TOPBP1: variants seen among roughly 807,000 people sequenced by gnomAD.
The protein encoded by TOPBP1 is DNA topoisomerase II binding protein 1.
Under a neutral mutation model 167.7 loss-of-function variants are expected in TOPBP1, and 28 were observed. The ratio of observed to expected loss-of-function variants is 0.17; its 90% CI spans 0.12 to 0.23. TOPBP1 has a LOEUF of 0.23. TOPBP1 is among the 10% of genes least tolerant of loss of function. The pLI, the probability that TOPBP1 is intolerant of heterozygous loss-of-function variation, is 1.00. For synonymous variants in TOPBP1, 598 were observed against 611.4 expected, an observed-to-expected ratio of 0.98 and a Z score of 0.32; for missense variants, 1,554 against 1,809.6, an observed-to-expected ratio of 0.86 and a Z score of 2.56.
At chr3:133,607,257 C>G (rs2107768693) in intron 27 of TOPBP1, among the ~76,000 whole-genome samples, 1 of 152,110 alleles carries the variant, frequency 6.6e-6, no homozygotes, top group East Asian at 1.9e-4. Context: ...TGTACCATTT[C>G]TAACTTTTGG....
intron 14 of TOPBP1, among the ~76,000 whole-genome samples, chr3:133,629,921 G>T (rs761684076): frequency 6.6e-6 from 1 of 151,916 alleles, no homozygotes. Flanking sequence ...CGAGTAGCTG[G>T]GACTACAGGC....
intron 27 of TOPBP1, among the ~76,000 whole-genome samples, chr3:133,607,369 CA>C (rs1934527439): frequency 6.6e-6 from 1 of 151,684 alleles, no homozygotes; most frequent in Non-Finnish European, 1.5e-5. Flanking sequence ...AGATGACAAA[CA>C]GCTACTAAAA....
chr3:133,602,502 TTA>T (rs1934338256), intron 27 of TOPBP1, among the ~76,000 whole-genome samples: 1 of 152,244 alleles, frequency 6.6e-6, no homozygotes, highest in Non-Finnish European at 1.5e-5. Flanking sequence ...ATTTTTTATT[TTA>T]GTTTCCTCAA....
intron 23 of TOPBP1, among the ~76,000 whole-genome samples, chr3:133,614,791 TAAG>T (rs1444610357): frequency 4.0e-4 from 55 of 136,444 alleles, no homozygotes; most frequent in Middle Eastern, 4.2e-3. Context: ...GTAAAGTTTC[TAAG>T]AAGAAACAGT....
At chr3:133,617,790 GA>G (rs1005948471) in intron 21 of TOPBP1, among the ~76,000 whole-genome samples, 5 of 151,390 alleles carry the variant, frequency 3.3e-5, no homozygotes, top group Non-Finnish European at 7.4e-5. Flanking sequence ...GCTCAAGGAA[GA>G]AAAAAAATAG....
At chr3:133,659,802 G>A (rs1936619480) in intron 2 of TOPBP1, among the ~76,000 whole-genome samples, 1 of 151,930 alleles carries the variant, frequency 6.6e-6, no homozygotes, top group Non-Finnish European at 1.5e-5. Context: ...TCCCCTGGAA[G>A]TTTCTATGTA....
chr3:133,649,711 C>G, intron 9 of TOPBP1, 69 bp downstream of exon 9: 1 of 1,588,038 alleles, frequency 6.3e-7, no homozygotes, highest in Non-Finnish European at 8.5e-7. Flanking sequence ...GTTTCCAGAA[C>G]TGCGTGGATA....
At chr3:133,624,009 AT>A in intron 17 of TOPBP1, 42 bp downstream of exon 17, 1 of 1,583,432 alleles carries the variant, frequency 6.3e-7, no homozygotes. Context: ...GTTTGTATAC[AT>A]TTTCAATTAA....
chr3:133,607,810 T>C (rs1400751955), intron 27 of TOPBP1, among the ~76,000 whole-genome samples: 10 of 152,236 alleles, frequency 6.6e-5, no homozygotes, highest in Non-Finnish European at 4.4e-5. Flanking sequence ...AAATCGTGGA[T>C]ACTAATCAGT....
At position 133,643,380 on chromosome 3, in the gene TOPBP1, A is replaced by C; in HGVS notation, c.1849-8T>G. 6.4e-7 allele frequency: 1 copy of C among 1,559,792 alleles called. No individual in the cohort carries two copies. ...ATAGTCTATGCAAGTAACCTTTTAA[A>C]AACAAAAGAAATAGTAAAGCCAACC... On this transcript the variant is annotated splice_polypyrimidine_tract_variant and splice_region_variant and intron_variant, in intron 11 of 27. Transcript: ENST00000260810.
intron 23 of TOPBP1, among the ~76,000 whole-genome samples, chr3:133,614,781 G>A (rs1934804725): frequency 6.9e-6 from 1 of 145,652 alleles, no homozygotes; most frequent in Non-Finnish European, 1.5e-5. Flanking sequence ...TTTTGTATGA[G>A]TAAAGTTTCT....
At chr3:133,629,379 T>C (rs891515957) in intron 14 of TOPBP1, among the ~76,000 whole-genome samples, 13 of 152,188 alleles carry the variant, frequency 8.5e-5, no homozygotes, top group African/African-American at 3.1e-4. Context: ...TGAATAACCT[T>C]GTACACAAAC....
At chr3:133,603,410 A>G (rs1367940426) in intron 27 of TOPBP1, among the ~76,000 whole-genome samples, 1 of 152,204 alleles carries the variant, frequency 6.6e-6, no homozygotes, top group Admixed American at 6.5e-5. Context: ...CAATAATTAC[A>G]TGATGGACTA....
In TOPBP1 at chr3:133,644,004, A is replaced by C. The variant is rs765481969; in HGVS notation, c.1848+16T>G. On this transcript the variant is annotated intron_variant, in intron 11 of 27. Transcript: ENST00000260810. Reference sequence around the variant, plus strand: ...TATCCTTCGATACTTTATTTCAACCACTAGTGTTGTCTTACCAGCCATGTA... The same window carrying C: ...TATCCTTCGATACTTTATTTCAACCCCTAGTGTTGTCTTACCAGCCATGTA... 6.4e-7 allele frequency: 1 copy of C among 1,570,348 alleles called. No homozygotes were observed. The highest frequency in any genetic ancestry group is 8.6e-7 in the Non-Finnish European group (1 of 1,160,222).
chr3:133,649,441 C>T lies in TOPBP1; in HGVS notation c.1446G>A (p.Lys482=). The T allele has an allele frequency of 3.1e-6, 5 of 1,613,872 alleles. No homozygotes were observed. Among genetic ancestry groups the T allele is most frequent in the Non-Finnish European group, 4.2e-6 (5 of 1,179,864 alleles). ...GCAGATCTTCATCAGCTTGCTCATG[C>T]TTTTCACTAGGAGCAAAGTCTTTCT... is the stretch of plus-strand genomic sequence containing the variant. The part of the protein sequence containing the change: ...FSKKDFAPSE[K]HEQADEDLLS... Residue 482 remains lysine, a synonymous_variant, in exon 10 of 28, where the codon AAG becomes AAA. Transcript: ENST00000260810.
intron 19 of TOPBP1, among the ~76,000 whole-genome samples, chr3:133,621,187 A>G (rs1202769426): frequency 1.3e-5 from 2 of 151,858 alleles, no homozygotes; most frequent in Non-Finnish European, 2.9e-5. Context: ...AATTTTTTAA[A>G]TTTTTTGTAG....
chr3:133,615,002 AT>A (rs1224018834), intron 23 of TOPBP1, among the ~76,000 whole-genome samples: 1 of 151,932 alleles, frequency 6.6e-6, no homozygotes. Context: ...ATAAAAAAAA[AT>A]AAAGCTGTGA....
intron 16 of TOPBP1, among the ~76,000 whole-genome samples, chr3:133,626,555 A>G (rs1463444941): frequency 6.6e-6 from 1 of 152,208 alleles, no homozygotes; most frequent in Non-Finnish European, 1.5e-5. Context: ...GTTTTAATAT[A>G]CACTAATATT....
chr3:133,652,440 T>C (rs780710084), intron 8 of TOPBP1, 23 bp downstream of exon 8: 1 of 1,609,596 alleles, frequency 6.2e-7, no homozygotes, highest in Non-Finnish European at 8.5e-7. Context: ...ATCTACTGCA[T>C]GTATTATATA....
Sources: allele counts gnomAD v4.1 joint callset (sites outside exome capture counted in the v4.1 genomes callset), GRCh38; gene constraint gnomAD v4.1.1; transcripts MANE v1.5; gene names NCBI Gene and HGNC (gene_info 2026-07-23, HGNC 2026-07-21).